Variants in GSTA3 observed in about 807,000 individuals in gnomAD.
GSTA3 encodes the protein glutathione S-transferase A3.
GSTA3 carries 16 observed loss-of-function variants against 23.1 expected under a neutral mutation model. That is an observed-to-expected ratio of 0.69 (90% confidence interval 0.47 to 1.05). The LOEUF (loss-of-function observed/expected upper bound fraction) is 1.05, where lower values mean the gene tolerates loss of function less well. Among genes scored for constraint, GSTA3 ranks in the 50% least tolerant of loss-of-function variants. The probability of loss-of-function intolerance (pLI) is 0.00; values close to 1 mark genes in which losing one functional copy is unlikely to be tolerated. For missense variants in GSTA3, 319 were observed against 263.6 expected (o/e 1.21, Z -1.46); for synonymous variants, 122 against 91.0 (o/e 1.34, Z -1.94).
chr6:52,898,301 G>C (rs1019294014), intron 5 of GSTA3, among the ~76,000 whole-genome samples: 7 of 152,220 alleles, frequency 4.6e-5, no homozygotes, highest in Middle Eastern at 3.4e-3. Context: ...TTGACATTCA[G>C]GATGTGGCTC....
chr6:52,900,331 T>C (rs1765633220), intron 4 of GSTA3, among the ~76,000 whole-genome samples: 2 of 151,594 alleles, frequency 1.3e-5, no homozygotes, highest in South Asian at 2.1e-4. Flanking sequence ...TATACAATCT[T>C]GGCTCACTGC....
Position 52,900,151 on chromosome 6 carries a change from T to C in GSTA3, c.273-76A>G, listed in dbSNP as rs1765619708. 3.9e-6 allele frequency: 5 copies of C among 1,292,698 alleles called. No homozygotes were observed. In the South Asian group the frequency reaches 7.3e-5, roughly 19 times the overall value. The allele number at this position is 1,292,698 out of a possible 1,614,324, so 80.1% of individuals were successfully genotyped here. A position where few individuals can be genotyped will look rare whatever the true frequency, so the allele number is the denominator to read the frequency against. On this transcript the variant is annotated intron_variant, in intron 4 of 6. Coordinates refer to ENST00000211122, the MANE Select transcript of GSTA3 (RefSeq NM_000847.5). Reference sequence around the variant, plus strand: ...GTAGGTTTATAAAAACCTAAGAGAATAGAGGGTCAGATGGTGGTAAGGTAA... The same window carrying C: ...GTAGGTTTATAAAAACCTAAGAGAACAGAGGGTCAGATGGTGGTAAGGTAA...
At position 52,899,171 on chromosome 6, in the gene GSTA3, G is replaced by A. The variant is rs570182815; in HGVS notation, c.414+763C>T. Among the ~76,000 whole-genome samples the A allele has an allele frequency of 2.6e-5, 4 of 152,196 alleles. No individual in the cohort carries two copies. The South Asian group carries it at 8.3e-4, about 32-fold the overall frequency. ...ATGAGTTAGGGTGGAGCAGGTGATC[G>A]GAATGAGTCAGGGTGGAGTAGGTAA... On this transcript the variant is annotated intron_variant, in intron 5 of 6. Coordinates refer to ENST00000211122, the MANE Select transcript of GSTA3 (RefSeq NM_000847.5).
At position 52,909,481 on chromosome 6, in the gene GSTA3, G is replaced by A. The variant is rs1009148957; in HGVS notation, c.-22+160C>T. On this transcript the variant is annotated intron_variant, in intron 1 of 6. Coordinates refer to ENST00000211122, the MANE Select transcript of GSTA3 (RefSeq NM_000847.5). The stretch of plus-strand genomic sequence containing the variant: ...GAATATTATTTTTCTTTACCGACCT[G>A]TCCTTCAGGAACTAACAAACAATGC... 3.9e-5 allele frequency among the ~76,000 whole-genome samples: 6 copies of A among 152,084 alleles called. 1 individual carries two copies. Among genetic ancestry groups the A allele is most frequent in the African/African-American group, 1.4e-4 (6 of 41,402 alleles).
intron 1 of GSTA3, among the ~76,000 whole-genome samples, chr6:52,907,192 A>G (rs1765918290): frequency 8.7e-6 from 1 of 115,104 alleles, no homozygotes; most frequent in Non-Finnish European, 1.7e-5. Flanking sequence ...ACATTTATGC[A>G]GCCATTAAGA....
chr6:52,900,144 A>T (rs565880969), intron 4 of GSTA3, 69 bp from the exon 5 acceptor site: 1 of 1,380,642 alleles, frequency 7.2e-7, no homozygotes, highest in Non-Finnish European at 9.9e-7. Context: ...ATAAAAACCT[A>T]AGAGAATAGA....
At chr6:52,897,799 T>C in intron 6 of GSTA3, 26 bp downstream of exon 6, 1 of 1,612,578 alleles carries the variant, frequency 6.2e-7, no homozygotes, top group Non-Finnish European at 8.5e-7. Flanking sequence ...TGGGGCTGTC[T>C]CTCTGAGGGC....
At chr6:52,897,047 G>C (rs1765472294) in intron 6 of GSTA3, 119 bp from the exon 7 acceptor site, 3 of 1,378,536 alleles carry the variant, frequency 2.2e-6, no homozygotes, top group Non-Finnish European at 3.0e-6. Flanking sequence ...ATCAGCACCA[G>C]CATGGAGGCA....
intron 2 of GSTA3, 104 bp from the exon 3 acceptor site, chr6:52,903,831 A>T: frequency 1.4e-6 from 1 of 703,522 alleles, no homozygotes; most frequent in Non-Finnish European, 2.5e-6. Flanking sequence ...GGAGAACATA[A>T]GATTTCTGAG....
intron 2 of GSTA3, among the ~76,000 whole-genome samples, chr6:52,903,968 ATCT>A (rs1391086673): frequency 6.6e-6 from 1 of 151,984 alleles, no homozygotes; most frequent in African/African-American, 2.4e-5. Context: ...GAACTGCTCA[ATCT>A]TCTTTTTTAT....
intron 1 of GSTA3, among the ~76,000 whole-genome samples, chr6:52,908,228 A>G (rs1414642216): frequency 2.0e-5 from 3 of 151,886 alleles, no homozygotes; most frequent in Non-Finnish European, 4.4e-5. Flanking sequence ...GAGTAATTAA[A>G]AAACAAACTA....
intron 5 of GSTA3, 21 bp from the exon 6 acceptor site, chr6:52,897,977 G>T (rs1429143321): frequency 1.9e-5 from 31 of 1,613,580 alleles, no homozygotes; most frequent in Non-Finnish European, 2.6e-5. Flanking sequence ...TGAGGAATCA[G>T]ATCAGGAATA....
intron 6 of GSTA3, among the ~76,000 whole-genome samples, 175 bp downstream of exon 6, chr6:52,897,650 A>G (rs1765502047): frequency 6.6e-6 from 1 of 152,124 alleles, no homozygotes; most frequent in Non-Finnish European, 1.5e-5. Flanking sequence ...CCTTTCCAGA[A>G]CAAGAGTCTT....
At chr6:52,907,101 T>C (rs1197297297) in intron 1 of GSTA3, among the ~76,000 whole-genome samples, 1 of 146,274 alleles carries the variant, frequency 6.8e-6, no homozygotes, top group Non-Finnish European at 1.5e-5. Flanking sequence ...TACAATGAAC[T>C]CAAACAAATT....
chr6:52,897,861 A>C lies in GSTA3; in HGVS notation c.510T>G (p.Leu170=). 1 of 1,613,810 alleles carries C rather than the reference A, an allele frequency of 6.2e-7. No homozygotes were observed. Among genetic ancestry groups the C allele is most frequent in the Admixed American group, 1.7e-5 (1 of 59,970 alleles). Residue 170 remains leucine (L), a synonymous_variant, in exon 6 of 7, where the codon CTT becomes CTG. Coordinates refer to ENST00000211122, the MANE Select transcript of GSTA3 (RefSeq NM_000847.5). ...LVELLYYVEE[L]DSSLISNFPL... ...GGAAGTTGGAGATAAGGCTGGAGTCAAGCTCTTCCACATAGTAGAGAAGTT... is the reference window on the plus strand; with the variant it reads ...GGAAGTTGGAGATAAGGCTGGAGTCCAGCTCTTCCACATAGTAGAGAAGTT...
At chr6:52,903,594 CAA>C (rs377246029) in intron 3 of GSTA3, 80 bp downstream of exon 3, 10,458 of 604,984 alleles carry the variant, frequency 0.017, no homozygotes, top group South Asian at 0.026. Context: ...GAGACTCCGT[CAA>C]AAAAAAAAAA....
intron 4 of GSTA3, among the ~76,000 whole-genome samples, chr6:52,900,542 G>T (rs1765645729): frequency 6.6e-6 from 1 of 152,248 alleles, no homozygotes; most frequent in East Asian, 1.9e-4. Context: ...GGATATAGGG[G>T]TGAGCCACCA....
intron 1 of GSTA3, 125 bp from the exon 2 acceptor site, chr6:52,905,980 C>T: frequency 2.0e-6 from 1 of 495,436 alleles, no homozygotes; most frequent in Non-Finnish European, 3.6e-6. Flanking sequence ...ATTGTTTCCA[C>T]CTCTGAATTC....
At position 52,902,372 on chromosome 6, in the gene GSTA3, G is replaced by T. The variant is rs147033582; in HGVS notation, c.246C>A (p.Tyr82Ter). ...LNYIASKYNL[Y>*]GKDIKERALI... ...GGGCTCTCTCCTTTATGTCTTTCCC[G>T]TAGAGGTTGTATTTGCTGGCAATGT... Residue 82 changes from tyrosine to a stop codon, truncating the protein, a stop_gained, in exon 4 of 7, where the codon TAC becomes TAA. Transcript: ENST00000211122. LOFTEE classifies it high-confidence loss of function. The T allele has an allele frequency of 1.2e-6, 2 of 1,613,754 alleles. No individual in the cohort carries two copies. Among genetic ancestry groups the T allele is most frequent in the Non-Finnish European group, 8.5e-7 (1 of 1,179,854 alleles).
Sources: allele counts gnomAD v4.1 joint callset (sites outside exome capture counted in the v4.1 genomes callset), GRCh38; gene constraint gnomAD v4.1.1; transcripts MANE v1.5; gene names NCBI Gene and HGNC (gene_info 2026-07-23, HGNC 2026-07-21).